DDX54: variants seen among roughly 807,000 people sequenced by gnomAD.
The protein encoded by DDX54 is DEAD-box helicase 54.
DDX54 carries 67 observed loss-of-function variants against 105.5 expected under a neutral mutation model. That is an observed-to-expected ratio of 0.64 (90% confidence interval 0.52 to 0.78). The LOEUF is 0.78. Ranked by LOEUF, DDX54 falls within the 30% of genes least tolerant of loss-of-function variation. DDX54 has a pLI of 0.00. For synonymous variants in DDX54, 514 were observed against 509.9 expected (o/e 1.01, Z -0.11); for missense variants, 1,206 against 1,230.5 (o/e 0.98, Z 0.30).
intron 19 of DDX54, among the ~76,000 whole-genome samples, chr12:113,160,798 G>A (rs1952194334): frequency 6.6e-6 from 1 of 152,208 alleles, no homozygotes; most frequent in Non-Finnish European, 1.5e-5. Flanking sequence ...TCCTAAGGAT[G>A]CCACAGGGAA....
rs753895243 is a variant in DDX54, at chr12:113,163,159, C to T, written c.2054G>A (p.Arg685Gln). ...CCGCTCGCTGTCAAAGTCCTTGGGC[C>T]GGTAGGGGATGTAGAATTCCTGGTC... is the stretch of plus-strand genomic sequence containing the variant. ...QRDQEFYIPY[R>Q]PKDFDSERGL... Residue 685 changes from arginine (R) to glutamine (Q), a missense_variant, in exon 16 of 20, where the codon CGG becomes CAG. Coordinates refer to ENST00000306014, the MANE Select transcript of DDX54 (RefSeq NM_024072.4). This position sits in a 1 kb window ranked among gnomAD's most constrained non-coding sequence, Gnocchi z 5.9. The T allele has an allele frequency of 1.1e-5, 17 of 1,613,042 alleles. No individual in the cohort carries two copies. The highest frequency in any genetic ancestry group is 2.7e-5 in the African/African-American group (2 of 74,910).
intron 7 of DDX54, 111 bp from the exon 8 acceptor site, chr12:113,175,268 C>A: frequency 7.0e-7 from 1 of 1,421,442 alleles, no homozygotes; most frequent in Non-Finnish European, 9.3e-7. Flanking sequence ...GCTTGCCTCA[C>A]TCTAACTCAG....
At position 113,164,295 on chromosome 12, in the gene DDX54, G is replaced by A. The variant is rs1952248008; in HGVS notation, c.1720-10C>T. Reference sequence around the variant, plus strand: ...TGATCTCAAAGATAGTCTGTGGAGGGGACACCCAGTCCTTTGCCCACTGGC... The same window carrying A: ...TGATCTCAAAGATAGTCTGTGGAGGAGACACCCAGTCCTTTGCCCACTGGC... On this transcript the variant is annotated splice_polypyrimidine_tract_variant and intron_variant, in intron 14 of 19. Coordinates refer to ENST00000306014, the MANE Select transcript of DDX54 (RefSeq NM_024072.4). The A allele has an allele frequency of 5.7e-6, 9 of 1,577,468 alleles. No individual in the cohort carries two copies. The highest frequency in any genetic ancestry group is 6.9e-6 in the Non-Finnish European group (8 of 1,164,726).
Position 113,157,603 on chromosome 12 carries a change from T to G in DDX54, c.*1274A>C. ...TGACTTCGTGCTGGGCCCCCCCAGG[T>G]GAAGCTGTTCATGCAGGACCTCTCT... On this transcript the variant is annotated 3_prime_UTR_variant, in exon 20 of 20. Coordinates refer to ENST00000306014, the MANE Select transcript of DDX54 (RefSeq NM_024072.4). 6.4e-7 allele frequency: 1 copy of G among 1,551,566 alleles called. No homozygotes were observed. Among genetic ancestry groups the G allele is most frequent in the Non-Finnish European group, 8.7e-7 (1 of 1,146,960 alleles).
In DDX54 at chr12:113,180,936, C is replaced by A. The variant is rs201124235; in HGVS notation, c.297G>T (p.Gln99His). 1 of 1,613,682 alleles carries A rather than the reference C, an allele frequency of 6.2e-7. No homozygotes were observed. The highest frequency in any genetic ancestry group is 2.2e-5 in the East Asian group (1 of 44,844). ...ATGCCAAGTTGCACCCACCCATGGA[C>A]TGGAAGCCTCCAGACTTCTTCTTCT... is the stretch of plus-strand genomic sequence containing the variant. Reference protein sequence around the residue: ...NKKKKKSGGFQSMGLSYPVFK... With the variant: ...NKKKKKSGGFHSMGLSYPVFK... Residue 99 changes from glutamine (Q) to histidine (H), a missense_variant, in exon 2 of 20, where the codon CAG (glutamine) becomes CAT (histidine). Physicochemically the swap from Gln to His is conservative, Grantham distance 24 (BLOSUM62 0). Coordinates refer to ENST00000306014, the MANE Select transcript of DDX54 (RefSeq NM_024072.4).
At chr12:113,178,925 C>A in intron 5 of DDX54, 52 bp downstream of exon 5, 1 of 1,603,400 alleles carries the variant, frequency 6.2e-7, no homozygotes, top group Admixed American at 1.7e-5. Flanking sequence ...CCTGGAGACA[C>A]AGAGATGTGC....
chr12:113,170,308 A>C (rs1421476996), intron 11 of DDX54, among the ~76,000 whole-genome samples: 2 of 152,334 alleles, frequency 1.3e-5, no homozygotes, highest in East Asian at 3.9e-4. Context: ...TGATGGCCAC[A>C]CAGTGGGAAT....
At chr12:113,168,305 T>C (rs1952299221) in intron 12 of DDX54, among the ~76,000 whole-genome samples, 1 of 152,194 alleles carries the variant, frequency 6.6e-6, no homozygotes, top group Non-Finnish European at 1.5e-5. Context: ...AGGGCTGCGC[T>C]CTCTGCTGAC....
At position 113,157,623 on chromosome 12, in the gene DDX54, C is replaced by T; in HGVS notation, c.*1254G>A. 6.4e-7 allele frequency: 1 copy of T among 1,551,734 alleles called. No homozygotes were observed. Among genetic ancestry groups the T allele is most frequent in the Non-Finnish European group, 8.7e-7 (1 of 1,147,006 alleles). The stretch of plus-strand genomic sequence containing the variant: ...CCAGGTGAAGCTGTTCATGCAGGAC[C>T]TCTCTGCCATGCTGGCCGGCCTGGG... On this transcript the variant is annotated 3_prime_UTR_variant, in exon 20 of 20. Coordinates refer to ENST00000306014, the MANE Select transcript of DDX54 (RefSeq NM_024072.4).
Position 113,179,281 on chromosome 12 carries a change from C to A in DDX54, c.426G>T (p.Thr142=), listed in dbSNP as rs189161695. The A allele has an allele frequency of 1.2e-6, 2 of 1,613,996 alleles. No homozygotes were observed. Among genetic ancestry groups the A allele is most frequent in the South Asian group, 2.2e-5 (2 of 91,078 alleles). ...DGKDVVAMAR[T]GSGKTACFLL... ...GGAAGCAGGCTGTCTTGCCACTGCCCGTCCGGGCCATGGCCACCACGTCCT... is the reference window on the plus strand; with the variant it reads ...GGAAGCAGGCTGTCTTGCCACTGCCAGTCCGGGCCATGGCCACCACGTCCT... The change falls in exon 4 of 20, where the codon ACG becomes ACT. Residue 142 remains threonine (T), a synonymous_variant. Coordinates refer to ENST00000306014, the MANE Select transcript of DDX54 (RefSeq NM_024072.4).
At chr12:113,170,416 G>T (rs1405090825) in intron 11 of DDX54, among the ~76,000 whole-genome samples, 1 of 152,202 alleles carries the variant, frequency 6.6e-6, no homozygotes, top group African/African-American at 2.4e-5. Flanking sequence ...TGAGGTGGGA[G>T]AATCACTTGA....
intron 18 of DDX54, 95 bp downstream of exon 18, chr12:113,161,798 C>CCA: frequency 5.8e-6 from 1 of 173,306 alleles, no homozygotes; most frequent in Non-Finnish European, 1.2e-5. Context: ...CCCTCCTCCC[C>CCA]GCCCCCGCCC....
At chr12:113,170,036 C>T (rs1481559197) in intron 11 of DDX54, 132 bp from the exon 12 acceptor site, 20 of 1,279,142 alleles carry the variant, frequency 1.6e-5, no homozygotes, top group Middle Eastern at 2.4e-4. Flanking sequence ...TCCCCACCTA[C>T]GCACAGGGAA....
intron 11 of DDX54, among the ~76,000 whole-genome samples, chr12:113,170,678 C>T (rs1952326722): frequency 6.6e-6 from 1 of 152,072 alleles, no homozygotes; most frequent in African/African-American, 2.4e-5. Context: ...TGGAACACAG[C>T]CACACTCATT....
intron 12 of DDX54, among the ~76,000 whole-genome samples, chr12:113,168,861 C>T (rs762798912): frequency 6.6e-6 from 1 of 152,108 alleles, no homozygotes; most frequent in Non-Finnish European, 1.5e-5. Context: ...ACCCAGGATG[C>T]GGAGGTTGTG....
At position 113,163,282 on chromosome 12, in the gene DDX54, AG is replaced by A; in HGVS notation, c.1939-9del. ...GACCTCTGAGAAAATGTCCTGGCAG[AG>A]CACAGACCAAGGCCCAGTGTCATGC... On this transcript the variant is annotated splice_polypyrimidine_tract_variant and intron_variant, in intron 15 of 19. Coordinates refer to ENST00000306014, the MANE Select transcript of DDX54 (RefSeq NM_024072.4). This position sits in a 1 kb window ranked among gnomAD's most constrained non-coding sequence, Gnocchi z 5.9. 2 of 1,588,772 alleles carry A rather than the reference AG, an allele frequency of 1.3e-6. No homozygotes were observed. The highest frequency in any genetic ancestry group is 1.7e-6 in the Non-Finnish European group (2 of 1,163,502).
Position 113,163,349 on chromosome 12 carries a change from C to A in DDX54, c.1939-75G>T. The A allele has an allele frequency of 1.3e-6, 2 of 1,532,134 alleles. No homozygotes were observed. The highest frequency in any genetic ancestry group is 1.7e-6 in the Non-Finnish European group (2 of 1,143,994). The allele number at this position is 1,532,134 out of a possible 1,614,324, so 94.9% of individuals were successfully genotyped here. A position where few individuals can be genotyped will look rare whatever the true frequency, so the allele number is the denominator to read the frequency against. ...GACTTCCCCCTGCCTCCCTACCCAC[C>A]AGCCTGGCCACAGTGAGGGGCCAGT... On this transcript the variant is annotated intron_variant, in intron 15 of 19. Coordinates refer to ENST00000306014, the MANE Select transcript of DDX54 (RefSeq NM_024072.4). The surrounding 1 kb of genome is among the most constrained non-coding windows in gnomAD (Gnocchi z 5.9).
chr12:113,185,455 G>C lies in DDX54; in HGVS notation c.-4C>G. On this transcript the variant is annotated 5_prime_UTR_variant, in exon 1 of 20. Coordinates refer to ENST00000306014, the MANE Select transcript of DDX54 (RefSeq NM_024072.4). ...CCGGGCCCTTGTCGGCCGCCATTCGGGCCGCGCGCTGGGAACGCAGAAGGG... is the reference window on the plus strand; with the variant it reads ...CCGGGCCCTTGTCGGCCGCCATTCGCGCCGCGCGCTGGGAACGCAGAAGGG... The C allele has an allele frequency of 6.7e-7, 1 of 1,500,598 alleles. No individual in the cohort carries two copies. Among genetic ancestry groups the C allele is most frequent in the South Asian group, 1.3e-5 (1 of 79,626 alleles). The allele number at this position is 1,500,598 out of a possible 1,614,324, so 93.0% of individuals were successfully genotyped here. A position where few individuals can be genotyped will look rare whatever the true frequency, so the allele number is the denominator to read the frequency against.
At chr12:113,172,636 C>A (rs780263190) in intron 10 of DDX54, 73 bp from the exon 11 acceptor site, 15 of 1,548,096 alleles carry the variant, frequency 9.7e-6, no homozygotes, top group Non-Finnish European at 1.3e-5. Context: ...CAGACCATGG[C>A]GGGGGACGGG....
Sources: gnomAD v4.1 joint callset for allele counts (sites outside exome capture counted in the v4.1 genomes callset) on GRCh38, gnomAD v4.1.1 for gene constraint, Gnocchi (gnomAD v3.1) non-coding constraint, MANE v1.5 for transcripts, NCBI Gene and HGNC (gene_info 2026-07-23, HGNC 2026-07-21) for gene names.